SLC9A8: variants seen among roughly 807,000 people sequenced by gnomAD.
SLC9A8 encodes the protein sodium/hydrogen exchanger 8.
SLC9A8 carries 48 observed loss-of-function variants against 66.6 expected under a neutral mutation model. That is an observed-to-expected ratio of 0.72 (90% CI 0.57 to 0.92). The LOEUF (loss-of-function observed/expected upper bound fraction) is 0.92. Ranked by LOEUF, SLC9A8 falls within the 40% of genes least tolerant of loss-of-function variation. The pLI, the probability that SLC9A8 is intolerant of heterozygous loss-of-function variation, is 0.00. For synonymous variants in SLC9A8, 274 were observed against 282.6 expected (o/e 0.97, Z 0.31); for missense variants, 599 against 747.3 (o/e 0.80, Z 2.31).
chr20:49,852,043 C>T (rs1261259246), intron 7 of SLC9A8, among the ~76,000 whole-genome samples: 1 of 152,136 alleles, frequency 6.6e-6, no homozygotes, highest in Non-Finnish European at 1.5e-5. Context: ...TAGTGTTTTC[C>T]TCTCCGTGTG....
Position 49,878,060 on chromosome 20 carries a change from C to A in SLC9A8, c.1155C>A (p.Cys385Ter). Reference sequence around the variant, plus strand: ...TTGAAATTTCCTTTGTCATCTGGTGCATAGTAAGTATTTTCCTTTTTTTTT... The same window carrying A: ...TTGAAATTTCCTTTGTCATCTGGTGAATAGTAAGTATTTTCCTTTTTTTTT... Reference protein sequence around the residue: ...HKFEISFVIWCIVLVLFGRAV... With the variant: ...HKFEISFVIW Residue 385 changes from cysteine to a stop codon, truncating the protein, a stop_gained, in exon 12 of 16, where the codon TGC becomes TGA. Coordinates refer to ENST00000361573, the MANE Select transcript of SLC9A8 (RefSeq NM_015266.3). LOFTEE classifies it high-confidence loss of function. 1 of 1,569,576 alleles carries A rather than the reference C, an allele frequency of 6.4e-7. No homozygotes were observed. The highest frequency in any genetic ancestry group is 8.6e-7 in the Non-Finnish European group (1 of 1,158,294).
At chr20:49,822,510 C>G (rs751939182) in intron 2 of SLC9A8, among the ~76,000 whole-genome samples, 1 of 152,190 alleles carries the variant, frequency 6.6e-6, no homozygotes, top group Non-Finnish European at 1.5e-5. Context: ...TCTGGCTGAT[C>G]ACCGTGGCTC....
At chr20:49,881,224 T>C (rs2089615377) in intron 13 of SLC9A8, among the ~76,000 whole-genome samples, 189 bp downstream of exon 13, 1 of 152,162 alleles carries the variant, frequency 6.6e-6, no homozygotes, top group Admixed American at 6.6e-5. Flanking sequence ...TGAGGCTTGG[T>C]TGGAAGAGGG....
chr20:49,853,810 C>T (rs1220367118), intron 7 of SLC9A8, among the ~76,000 whole-genome samples: 2 of 152,210 alleles, frequency 1.3e-5, no homozygotes, highest in African/African-American at 2.4e-5. Flanking sequence ...GGAACTGAAT[C>T]CTCAGCCTGG....
intron 5 of SLC9A8, among the ~76,000 whole-genome samples, chr20:49,848,680 G>T (rs556273120): frequency 6.6e-6 from 1 of 152,108 alleles, no homozygotes; most frequent in African/African-American, 2.4e-5. Context: ...TATCTTAAAC[G>T]CTGTGAAGTA....
At chr20:49,851,694 T>G (rs2088259845) in intron 7 of SLC9A8, among the ~76,000 whole-genome samples, 1 of 152,196 alleles carries the variant, frequency 6.6e-6, no homozygotes, top group South Asian at 2.1e-4. Context: ...CCAATTCTAT[T>G]TCTACCTCCA....
At chr20:49,815,459 A>C (rs529341028) in intron 2 of SLC9A8, 1 of 294,514 alleles carries the variant, frequency 3.4e-6, no homozygotes, top group Non-Finnish European at 6.2e-6. Context: ...GCCTAGAAAG[A>C]ATCTTGAGGC....
At chr20:49,830,083 C>T in intron 3 of SLC9A8, 1 of 735,472 alleles carries the variant, frequency 1.4e-6, no homozygotes, top group Admixed American at 1.8e-5. Context: ...ATCCTCATTT[C>T]CATCATTTCC....
At chr20:49,884,289 G>GCGCGCACGC (rs1255789032) in intron 14 of SLC9A8, 1 of 36,862 alleles carries the variant, frequency 2.7e-5, no homozygotes, top group Non-Finnish European at 5.6e-5. Context: ...ACACACACAC[G>GCGCGCACGC]ACACACACAC....
chr20:49,835,819 G>A (rs763309468), intron 3 of SLC9A8, among the ~76,000 whole-genome samples: 3 of 150,460 alleles, frequency 2.0e-5, no homozygotes, highest in Non-Finnish European at 2.9e-5. Flanking sequence ...CCCAGTAGCT[G>A]TAATTACAGG....
At chr20:49,823,619 C>T (rs978250337) in intron 3 of SLC9A8, among the ~76,000 whole-genome samples, 2 of 152,054 alleles carry the variant, frequency 1.3e-5, no homozygotes, top group African/African-American at 4.8e-5. Flanking sequence ...CTCTACCCCA[C>T]TTACATTTCT....
intron 10 of SLC9A8, among the ~76,000 whole-genome samples, chr20:49,872,848 A>G (rs938949458): frequency 6.6e-6 from 1 of 152,256 alleles, no homozygotes; most frequent in Non-Finnish European, 1.5e-5. Context: ...AAATGGCAGA[A>G]GTGAATTAAA....
intron 10 of SLC9A8, among the ~76,000 whole-genome samples, chr20:49,874,262 C>G (rs1289485975): frequency 2.6e-5 from 4 of 151,592 alleles, no homozygotes; most frequent in South Asian, 2.1e-4. Flanking sequence ...CTGTCCCCCC[C>G]CCAAAAAAAA....
chr20:49,868,654 A>G (rs1236495992), intron 10 of SLC9A8, among the ~76,000 whole-genome samples: 1 of 152,208 alleles, frequency 6.6e-6, no homozygotes, highest in Non-Finnish European at 1.5e-5. Context: ...ACAGACTTGG[A>G]TTTGAATCCC....
chr20:49,879,677 T>C (rs1488902237), intron 12 of SLC9A8, among the ~76,000 whole-genome samples: 2 of 151,172 alleles, frequency 1.3e-5, no homozygotes, highest in East Asian at 3.9e-4. Context: ...ATACAAAAAT[T>C]AGCCGGGCAT....
chr20:49,887,722 TC>T, intron 15 of SLC9A8, 106 bp from the exon 16 acceptor site: 2 of 792,482 alleles, frequency 2.5e-6, no homozygotes, highest in Non-Finnish European at 4.1e-6. Context: ...TCACCCTGCC[TC>T]CCACCTCCTC....
intron 11 of SLC9A8, among the ~76,000 whole-genome samples, chr20:49,875,803 C>T (rs1434248630): frequency 6.6e-6 from 1 of 151,882 alleles, no homozygotes; most frequent in Admixed American, 6.6e-5. Context: ...GGCGTGATCT[C>T]AGCTCACTGC....
intron 6 of SLC9A8, 80 bp downstream of exon 6, chr20:49,849,760 G>T: frequency 8.9e-7 from 1 of 1,120,752 alleles, no homozygotes; most frequent in Non-Finnish European, 1.4e-6. Flanking sequence ...GTGAAATGGG[G>T]CCACTTTGTG....
chr20:49,849,629 G>A lies in SLC9A8; in HGVS notation c.483G>A (p.Gly161=), dbSNP rs6012755. ...IGSITLFAVF[G]TAISAFVVGG... ...CCATCACCCTGTTTGCTGTTTTTGG[G>A]ACGGCAATCTCCGCTTTTGTAGTAG... The change falls in exon 6 of 16, where the codon GGG becomes GGA. Residue 161 remains glycine (G), a synonymous_variant. Transcript: ENST00000361573. 0.077 allele frequency: 123,801 copies of A among 1,613,194 alleles called. 8,538 individuals carry two copies. Among genetic ancestry groups the A allele is most frequent in the African/African-American group, 0.37 (27,727 of 74,872 alleles).
Sources: allele counts gnomAD v4.1 joint callset (sites outside exome capture counted in the v4.1 genomes callset), GRCh38; gene constraint gnomAD v4.1.1; transcripts MANE v1.5; gene names NCBI Gene and HGNC (gene_info 2026-07-23, HGNC 2026-07-21).